The following PRELID2 variants were observed in gnomAD, a reference collection of about 807,000 sequenced individuals.
The protein encoded by PRELID2 is PRELI domain-containing protein 2.
In PRELID2, 25 loss-of-function variants were observed where a neutral mutation model predicts 28.4. The ratio of observed to expected loss-of-function variants is 0.88; its 90% CI spans 0.64 to 1.23. The LOEUF (loss-of-function observed/expected upper bound fraction) is 1.23. Ranked by LOEUF, PRELID2 falls within the 50% of genes most tolerant of loss-of-function variation. PRELID2 has a pLI of 0.00. For synonymous variants in PRELID2, 76 were observed against 71.6 expected, an observed-to-expected ratio of 1.06 and a Z score of -0.31; for missense variants, 201 against 214.4, an observed-to-expected ratio of 0.94 and a Z score of 0.39.
chr5:145,379,348 C>T, the PRELID2 span, among the ~76,000 whole-genome samples: 1 of 152,164 alleles, frequency 6.6e-6, no homozygotes, highest in African/African-American at 2.4e-5. Context: ...GCCTGACTCC[C>T]TGTCAGTATT....
intron 5 of PRELID2, among the ~76,000 whole-genome samples, chr5:145,774,604 GATGACCT>G (rs370061802): frequency 4.6e-5 from 7 of 152,296 alleles, no homozygotes; most frequent in African/African-American, 1.7e-4. Flanking sequence ...GCTAGAGGCT[GATGACCT>G]ATAGGAAATA....
intron 1 of PRELID2, among the ~76,000 whole-genome samples, chr5:145,523,519 G>T (rs771047771): frequency 6.6e-6 from 1 of 152,108 alleles, no homozygotes; most frequent in Non-Finnish European, 1.5e-5. Flanking sequence ...AGTTTGGGAA[G>T]ATCAAAGTGT....
intron 5 of PRELID2, among the ~76,000 whole-genome samples, chr5:145,776,850 T>C (rs1758440476): frequency 6.6e-6 from 1 of 152,258 alleles, no homozygotes; most frequent in Non-Finnish European, 1.5e-5. Context: ...TATCCCTGCA[T>C]GTATTATTAT....
the PRELID2 span, among the ~76,000 whole-genome samples, chr5:145,241,303 A>G: frequency 1.3e-5 from 2 of 152,024 alleles, no homozygotes; most frequent in Non-Finnish European, 2.9e-5. Flanking sequence ...TTCCTTGTCA[A>G]CCAGCAGAAT....
intron 6 of PRELID2, 103 bp downstream of exon 6, chr5:145,764,828 T>C (rs936620706): frequency 5.2e-6 from 4 of 761,996 alleles, no homozygotes; most frequent in African/African-American, 5.2e-5. Flanking sequence ...AACTGGGAAA[T>C]GTGCAGCGTG....
chr5:145,376,478 G>T, the PRELID2 span, among the ~76,000 whole-genome samples: 1 of 152,066 alleles, frequency 6.6e-6, no homozygotes, highest in South Asian at 2.1e-4. Context: ...AATGGTACCA[G>T]CTCTTCTTTG....
At chr5:145,693,673 C>T (rs1193263210) in intron 1 of PRELID2, among the ~76,000 whole-genome samples, 1 of 152,076 alleles carries the variant, frequency 6.6e-6, no homozygotes, top group African/African-American at 2.4e-5. Flanking sequence ...ACTCAGGAGG[C>T]TGAGGTGAGA....
chr5:145,501,619 C>A (rs374916557), intron 1 of PRELID2, among the ~76,000 whole-genome samples: 51 of 152,248 alleles, frequency 3.3e-4, no homozygotes, highest in African/African-American at 1.0e-3. Flanking sequence ...TATGAAATAT[C>A]TTTTGCCTTC....
At chr5:145,809,916 TCAAATG>T (rs1437931663) in intron 4 of PRELID2, among the ~76,000 whole-genome samples, 2 of 152,082 alleles carry the variant, frequency 1.3e-5, no homozygotes, top group Non-Finnish European at 2.9e-5. Flanking sequence ...TAAAACCAAA[TCAAATG>T]CATGTCAATT....
At chr5:145,694,637 T>C (rs561332865) in intron 1 of PRELID2, among the ~76,000 whole-genome samples, 2 of 152,298 alleles carry the variant, frequency 1.3e-5, no homozygotes, top group Admixed American at 6.5e-5. Flanking sequence ...TTTTGTTTTT[T>C]AATAATTTAT....
chr5:145,239,534 A>G, the PRELID2 span, among the ~76,000 whole-genome samples: 12 of 152,078 alleles, frequency 7.9e-5, no homozygotes, highest in African/African-American at 2.7e-4. Flanking sequence ...GGTAAATGCT[A>G]TAATGCAATT....
the PRELID2 span, among the ~76,000 whole-genome samples, chr5:145,267,863 G>T: frequency 1.3e-3 from 205 of 152,230 alleles, no homozygotes; most frequent in African/African-American, 4.8e-3. Context: ...CTAGGGTAAG[G>T]TGATATTATT....
At chr5:145,710,881 C>A (rs1459570222) in intron 1 of PRELID2, among the ~76,000 whole-genome samples, 2 of 152,220 alleles carry the variant, frequency 1.3e-5, no homozygotes, top group Non-Finnish European at 2.9e-5. Context: ...CACCTCTCTG[C>A]AAGGGAGGTT....
rs1756770942 is a variant in PRELID2, at chr5:145,741,660, T to TATATAAATAAA, written n.70+23270_70+23271insTTTATTTATAT. 1.2e-4 allele frequency among the ~76,000 whole-genome samples: 4 copies of TATATAAATAAA among 32,374 alleles called. 2 individuals carry two copies. The highest frequency in any genetic ancestry group is 3.1e-4 in the African/African-American group (4 of 12,702). The allele number at this position is 32,374 out of a possible 152,430, so 21.2% of individuals were successfully genotyped here. On this transcript the variant is annotated intron_variant and non_coding_transcript_variant, in intron 1 of 2. Coordinates refer to the PRELID2 transcript ENST00000510259. ...AATTTATTTATATATAAATAATTTA[T>TATATAAATAAA]TTATATATAAATAATTTATAAATAA...
At chr5:145,807,316 A>G (rs1172562690) in intron 4 of PRELID2, among the ~76,000 whole-genome samples, 3 of 152,230 alleles carry the variant, frequency 2.0e-5, no homozygotes, top group African/African-American at 7.2e-5. Flanking sequence ...GATTGTTTCT[A>G]GCTCAATTAT....
the PRELID2 span, among the ~76,000 whole-genome samples, chr5:145,415,808 G>T: frequency 2.6e-5 from 4 of 151,892 alleles, no homozygotes; most frequent in African/African-American, 4.8e-5. Context: ...TAATGAGATG[G>T]CTGGGTCAAA....
chr5:145,667,366 T>C (rs17103591), intron 1 of PRELID2, among the ~76,000 whole-genome samples: 11,516 of 152,136 alleles, frequency 0.076, 641 homozygotes, highest in Admixed American at 0.19. Flanking sequence ...TTGTATATTT[T>C]GATAACAAAG....
At position 145,737,710 on chromosome 5, in the gene PRELID2, A is replaced by G. The variant is rs535381737; in HGVS notation, n.70+27221T>C. On this transcript the variant is annotated intron_variant and non_coding_transcript_variant, in intron 1 of 2. Coordinates refer to the PRELID2 transcript ENST00000510259. The stretch of plus-strand genomic sequence containing the variant: ...CTGTACTCCAGCTAAATACCATAGA[A>G]AAAAACTGACTCACCATAACCCACA... 3.9e-5 allele frequency among the ~76,000 whole-genome samples: 6 copies of G among 152,326 alleles called. No individual in the cohort carries two copies. In the South Asian group the frequency reaches 1.2e-3, roughly 32 times the overall value.
Position 145,518,135 on chromosome 5 carries a change from T to TATAATA in PRELID2, n.71-44826_71-44821dup, listed in dbSNP as rs56385008. Among the ~76,000 whole-genome samples the TATAATA allele has an allele frequency of 3.3e-3, 468 of 142,526 alleles. 3 individuals carry two copies. The highest frequency in any genetic ancestry group is 5.3e-3 in the Non-Finnish European group (352 of 65,908). 93.5% of individuals were successfully genotyped at this position (142,526 alleles called of 152,430 possible). A position where few individuals can be genotyped will look rare whatever the true frequency, so the allele number is the denominator to read the frequency against. On this transcript the variant is annotated intron_variant and non_coding_transcript_variant, in intron 1 of 2. Coordinates refer to the PRELID2 transcript ENST00000510259. ...TGCAAATGTGTCCCAGAACTTGAAG[T>TATAATA]ATAATAATAATAATAATAATAATAA...
Sources: allele counts gnomAD v4.1 joint callset (sites outside exome capture counted in the v4.1 genomes callset), GRCh38; gene constraint gnomAD v4.1.1; transcripts MANE v1.5; gene names NCBI Gene and HGNC (gene_info 2026-07-23, HGNC 2026-07-21).